The following ABCC9 variants were observed in gnomAD, a reference collection of about 807,000 sequenced individuals.
ABCC9 encodes ATP-binding cassette sub-family C member 9.
ABCC9 carries 95 observed loss-of-function variants against 188.3 expected under a neutral mutation model. The ratio of observed to expected loss-of-function variants is 0.50; its 90% CI spans 0.43 to 0.60. The LOEUF (loss-of-function observed/expected upper bound fraction) is 0.60. Among genes scored for constraint, ABCC9 ranks in the 20% least tolerant of loss-of-function variants. ABCC9 has a pLI of 0.00. For synonymous variants in ABCC9, 659 were observed against 652.7 expected (o/e 1.01, Z -0.15); for missense variants, 1,102 against 1,876.3 (o/e 0.59, Z 7.62).
At chr12:21,867,891 A>G (rs1945862315) in intron 18 of ABCC9, among the ~76,000 whole-genome samples, 1 of 152,102 alleles carries the variant, frequency 6.6e-6, no homozygotes, top group Admixed American at 6.6e-5. Flanking sequence ...ACCACAATTA[A>G]AAAGCATTCT....
At chr12:21,827,270 G>A (rs2137260045) in intron 31 of ABCC9, 1 of 985,302 alleles carries the variant, frequency 1.0e-6, no homozygotes, top group African/African-American at 1.7e-5. Context: ...TTTGCTTGAA[G>A]ATTCTTGTTC....
At chr12:21,861,590 A>C (rs1275897520) in intron 20 of ABCC9, among the ~76,000 whole-genome samples, 22 of 152,116 alleles carry the variant, frequency 1.4e-4, no homozygotes, top group Admixed American at 1.4e-3. Context: ...AAAATATACG[A>C]TGAAAGTTTA....
chr12:21,808,479 A>G (rs955514840), intron 37 of ABCC9, among the ~76,000 whole-genome samples: 1 of 152,298 alleles, frequency 6.6e-6, no homozygotes, highest in South Asian at 2.1e-4. Flanking sequence ...GAAGAGGACT[A>G]GAAAGATGCA....
rs1051524632 is a variant in ABCC9, at chr12:21,816,065, T to G, written c.3893-172A>C. Among the ~76,000 whole-genome samples, 83 of 126,568 alleles carry G rather than the reference T, an allele frequency of 6.6e-4. 3 individuals are homozygous for G. The highest frequency in any genetic ancestry group is 3.1e-3 in the South Asian group (13 of 4,244). The allele number at this position is 126,568 out of a possible 152,430, so 83.0% of individuals were successfully genotyped here. A position where few individuals can be genotyped will look rare whatever the true frequency, so the allele number is the denominator to read the frequency against. On this transcript the variant is annotated intron_variant, in intron 33 of 39. Coordinates refer to ENST00000261200, the MANE Select transcript of ABCC9 (RefSeq NM_020297.4). ...TTTTTTTTTTTTTTTTTTTTTTTTT[T>G]TTTTTTTTTTTTTTTAGTTTAAATC...
At chr12:21,836,695 T>A (rs1944118835) in intron 30 of ABCC9, among the ~76,000 whole-genome samples, 1 of 152,174 alleles carries the variant, frequency 6.6e-6, no homozygotes, top group Non-Finnish European at 1.5e-5. Context: ...GTTAGCTACT[T>A]AGTCAATATA....
At chr12:21,908,837 G>A (rs1443707145) in intron 10 of ABCC9, among the ~76,000 whole-genome samples, 1 of 151,638 alleles carries the variant, frequency 6.6e-6, no homozygotes, top group East Asian at 1.9e-4. Flanking sequence ...CCAAACCAAG[G>A]GCAAAACCAT....
intron 8 of ABCC9, among the ~76,000 whole-genome samples, chr12:21,911,551 G>T (rs1948324157): frequency 6.6e-6 from 1 of 151,912 alleles, no homozygotes. Flanking sequence ...ACTGAATTCA[G>T]CATAAGGATA....
At chr12:21,899,722 C>G (rs936563819) in intron 12 of ABCC9, among the ~76,000 whole-genome samples, 1 of 152,188 alleles carries the variant, frequency 6.6e-6, no homozygotes, top group African/African-American at 2.4e-5. Flanking sequence ...GCTAGCACAG[C>G]AGTCTGAGAT....
intron 12 of ABCC9, among the ~76,000 whole-genome samples, chr12:21,896,967 C>G (rs995436933): frequency 4.6e-5 from 7 of 152,094 alleles, no homozygotes; most frequent in African/African-American, 1.4e-4. Flanking sequence ...AATGGTATTT[C>G]TGGTTCTAGG....
chr12:21,821,506 A>C (rs994255586), intron 31 of ABCC9, among the ~76,000 whole-genome samples: 1 of 152,166 alleles, frequency 6.6e-6, no homozygotes, highest in African/African-American at 2.4e-5. Context: ...GATTTGGACA[A>C]AATAGAACAA....
chr12:21,818,526 A>ATGTGTGTG lies in ABCC9; in HGVS notation c.3670-283_3670-276dup, dbSNP rs71053348. 8.6e-3 allele frequency among the ~76,000 whole-genome samples: 1,173 copies of ATGTGTGTG among 136,430 alleles called. 17 individuals are homozygous for ATGTGTGTG. The highest frequency in any genetic ancestry group is 0.03 in the African/African-American group (1,105 of 36,316). The allele number at this position is 136,430 out of a possible 152,430, so 89.5% of individuals were successfully genotyped here. On this transcript the variant is annotated intron_variant, in intron 31 of 39. Transcript: ENST00000261200. ...TATATAACTATATAGATATATATAT[A>ATGTGTGTG]TGTGTGTGTGTGTGTGTGTGTGTGT...
rs147895473 is a variant in ABCC9, at chr12:21,842,378, C to T, written c.3409G>A (p.Val1137Ile). Residue 1137 changes from valine (V) to isoleucine (I), a missense_variant, in exon 29 of 40, where the codon GTT becomes ATT. By Grantham distance (29) the Val-to-Ile change is conservative (BLOSUM62 3). This residue lies in a region of ABCC9 where 12 missense variants were observed against 57.2 expected (regional missense o/e 0.21). Coordinates refer to ENST00000261200, the MANE Select transcript of ABCC9 (RefSeq NM_020297.4). Reference protein sequence around the residue: ...MISYATPVFLVALLPLGVAFY... With the variant: ...MISYATPVFLIALLPLGVAFY... Reference sequence around the variant, plus strand: ...GCAACACCAAGGGGCAGGAGAGCAACCAGGAACACAGGAGTAGCATAAGAA... The same window carrying T: ...GCAACACCAAGGGGCAGGAGAGCAATCAGGAACACAGGAGTAGCATAAGAA... 1.3e-3 allele frequency: 2,099 copies of T among 1,614,012 alleles called. 31 individuals carry two copies. In the African/African-American group the frequency reaches 0.023, roughly 18 times the overall value.
At chr12:21,857,870 A>G (rs1424116296) in intron 22 of ABCC9, among the ~76,000 whole-genome samples, 1 of 152,180 alleles carries the variant, frequency 6.6e-6, no homozygotes, top group Non-Finnish European at 1.5e-5. Context: ...GTATAAGATA[A>G]TATAATAAAT....
At chr12:21,889,687 G>T (rs2131136) in intron 14 of ABCC9, among the ~76,000 whole-genome samples, 40,527 of 152,032 alleles carry the variant, frequency 0.27, 5,918 homozygotes, top group Admixed American at 0.34. Context: ...TACAAATCAC[G>T]AATCTTTCCA....
chr12:21,917,224 G>GTAATTTCCACTATA, intron 5 of ABCC9, 121 bp from the exon 6 acceptor site: 1 of 1,011,552 alleles, frequency 9.9e-7, no homozygotes, highest in South Asian at 1.4e-5. Flanking sequence ...TTTCCACATG[G>GTAATTTCCACTATA]TTTTACTTGG....
At chr12:21,804,008 A>G (rs990722616) in intron 39 of ABCC9, among the ~76,000 whole-genome samples, 5 of 152,240 alleles carry the variant, frequency 3.3e-5, no homozygotes, top group African/African-American at 1.2e-4. Flanking sequence ...GGAGTCTACC[A>G]CAAGCATGGT....
intron 4 of ABCC9, among the ~76,000 whole-genome samples, chr12:21,928,553 A>C (rs1366953362): frequency 2.0e-5 from 3 of 152,114 alleles, no homozygotes; most frequent in Non-Finnish European, 4.4e-5. Flanking sequence ...AATCCTGTAA[A>C]ATGTGGTCAC....
chr12:21,896,329 A>G lies in ABCC9; in HGVS notation c.1619-1014T>C, dbSNP rs1947422644. 2.0e-5 allele frequency among the ~76,000 whole-genome samples: 3 copies of G among 152,152 alleles called. No homozygotes were observed. In the South Asian group the frequency reaches 6.2e-4, roughly 32 times the overall value. On this transcript the variant is annotated intron_variant, in intron 12 of 39. Coordinates refer to ENST00000261200, the MANE Select transcript of ABCC9 (RefSeq NM_020297.4). ...AGTCCAGATATGACTTAGTTGTCAAACATAGACTCTTGTACAGTACCGCGA... is the reference window on the plus strand; with the variant it reads ...AGTCCAGATATGACTTAGTTGTCAAGCATAGACTCTTGTACAGTACCGCGA...
At chr12:21,910,076 T>C in intron 10 of ABCC9, 81 bp downstream of exon 10, 1 of 1,357,196 alleles carries the variant, frequency 7.4e-7, no homozygotes, top group African/African-American at 1.4e-5. Context: ...CTATACACCT[T>C]TTACAGAGCT....
Sources: allele counts gnomAD v4.1 joint callset (sites outside exome capture counted in the v4.1 genomes callset), GRCh38; gene constraint gnomAD v4.1.1; regional missense constraint gnomAD v4.1.1; transcripts MANE v1.5; gene names NCBI Gene and HGNC (gene_info 2026-07-23, HGNC 2026-07-21).